RUNDC3B: variants seen among roughly 807,000 people sequenced by gnomAD.
RUNDC3B encodes the protein RUN domain-containing protein 3B.
A neutral mutation model predicts 58.4 loss-of-function variants in RUNDC3B; 33 were observed. That is an observed-to-expected ratio of 0.56 (90% CI 0.43 to 0.75). The LOEUF is 0.75. RUNDC3B is among the 30% of genes least tolerant of loss of function. The pLI is 0.00. For synonymous variants in RUNDC3B, 193 were observed against 195.2 expected, an observed-to-expected ratio of 0.99 and a Z score of 0.10; for missense variants, 501 against 535.7, an observed-to-expected ratio of 0.94 and a Z score of 0.64.
At chr7:87,673,830 T>C (rs2130538851) in intron 2 of RUNDC3B, among the ~76,000 whole-genome samples, 1 of 152,364 alleles carries the variant, frequency 6.6e-6, no homozygotes, top group Non-Finnish European at 1.5e-5. Context: ...CTTTCTCATG[T>C]GTGGGCTGAT....
Position 87,628,809 on chromosome 7 carries a change from G to T in RUNDC3B, c.-15G>T. 4.9e-6 allele frequency: 6 copies of T among 1,232,668 alleles called. No individual in the cohort carries two copies. The highest frequency in any genetic ancestry group is 6.2e-6 in the Non-Finnish European group (6 of 973,942). The allele number at this position is 1,232,668 out of a possible 1,614,324, so 76.4% of individuals were successfully genotyped here. A position where few individuals can be genotyped will look rare whatever the true frequency, so the allele number is the denominator to read the frequency against. On this transcript the variant is annotated 5_prime_UTR_variant, in exon 1 of 11. Coordinates refer to ENST00000394654, the MANE Select transcript of RUNDC3B (RefSeq NM_001134405.2). ...GGGTGGCACGAGACAAAAGGGGCACGGGGGTAAGCCCGCCATGGCCTCCCG... is the reference window on the plus strand; with the variant it reads ...GGGTGGCACGAGACAAAAGGGGCACTGGGGTAAGCCCGCCATGGCCTCCCG...
intron 1 of RUNDC3B, among the ~76,000 whole-genome samples, chr7:87,631,892 T>C (rs1202932703): frequency 6.6e-6 from 1 of 152,210 alleles, no homozygotes; most frequent in Non-Finnish European, 1.5e-5. Flanking sequence ...TAACCTTCAA[T>C]TATAGGCTTA....
intron 8 of RUNDC3B, among the ~76,000 whole-genome samples, chr7:87,789,578 G>C (rs1835413945): frequency 6.6e-6 from 1 of 152,008 alleles, no homozygotes; most frequent in Admixed American, 6.6e-5. Context: ...CATTTTGGCA[G>C]GTAATAATTC....
chr7:87,730,739 C>A (rs1831528167), intron 4 of RUNDC3B, among the ~76,000 whole-genome samples: 1 of 151,880 alleles, frequency 6.6e-6, no homozygotes, highest in Non-Finnish European at 1.5e-5. Flanking sequence ...AGGCAGTAGC[C>A]ACCTTAAGCC....
chr7:87,732,720 C>T (rs1371608954), intron 4 of RUNDC3B, among the ~76,000 whole-genome samples: 4 of 151,920 alleles, frequency 2.6e-5, no homozygotes, highest in Non-Finnish European at 4.4e-5. Flanking sequence ...TTAGTGAGGG[C>T]GGGGGTAGGT....
intron 4 of RUNDC3B, among the ~76,000 whole-genome samples, chr7:87,712,419 C>T (rs992456718): frequency 1.3e-5 from 2 of 151,940 alleles, no homozygotes; most frequent in Non-Finnish European, 2.9e-5. Flanking sequence ...GTATCAGAAT[C>T]GAGTAGCTCA....
intron 1 of RUNDC3B, among the ~76,000 whole-genome samples, chr7:87,646,657 C>T (rs1301216009): frequency 6.6e-6 from 1 of 151,948 alleles, no homozygotes; most frequent in Non-Finnish European, 1.5e-5. Flanking sequence ...AGATTGTGTG[C>T]TTTTTATTTA....
chr7:87,708,727 G>A (rs2130733504), intron 3 of RUNDC3B, among the ~76,000 whole-genome samples: 1 of 152,074 alleles, frequency 6.6e-6, no homozygotes, highest in East Asian at 1.9e-4. Flanking sequence ...ACATAATTAG[G>A]CTGGTCAGTT....
intron 1 of RUNDC3B, among the ~76,000 whole-genome samples, chr7:87,648,012 G>A (rs995968911): frequency 1.3e-5 from 2 of 151,726 alleles, no homozygotes; most frequent in African/African-American, 2.4e-5. Context: ...GTGAAACCCC[G>A]CCTCTACTAA....
intron 2 of RUNDC3B, among the ~76,000 whole-genome samples, chr7:87,661,421 A>G (rs1585031586): frequency 6.7e-6 from 1 of 149,674 alleles, no homozygotes; most frequent in Non-Finnish European, 1.5e-5. Context: ...CACCTTCACT[A>G]CCCTCCCCAG....
chr7:87,789,572 T>A (rs74994966), intron 8 of RUNDC3B, among the ~76,000 whole-genome samples: 4,223 of 152,252 alleles, frequency 0.028, 181 homozygotes, highest in African/African-American at 0.095. Flanking sequence ...TGTATACATT[T>A]TGGCAGGTAA....
At chr7:87,810,700 A>AAT (rs1836668712) in intron 9 of RUNDC3B, among the ~76,000 whole-genome samples, 1 of 152,142 alleles carries the variant, frequency 6.6e-6, no homozygotes. Context: ...CTGTTTATAA[A>AAT]ATATAATTTC....
chr7:87,764,129 T>G (rs1833845259), intron 6 of RUNDC3B, among the ~76,000 whole-genome samples: 2 of 151,874 alleles, frequency 1.3e-5, no homozygotes, highest in African/African-American at 4.8e-5. Flanking sequence ...ACATTTAATT[T>G]AAGCAACATT....
At chr7:87,796,768 A>T (rs1303531837) in intron 8 of RUNDC3B, among the ~76,000 whole-genome samples, 1 of 152,214 alleles carries the variant, frequency 6.6e-6, no homozygotes, top group Non-Finnish European at 1.5e-5. Context: ...GAAGACATTC[A>T]TTACTACTAG....
intron 1 of RUNDC3B, among the ~76,000 whole-genome samples, chr7:87,634,137 G>A (rs1295258120): frequency 1.3e-5 from 2 of 152,140 alleles, no homozygotes; most frequent in African/African-American, 4.8e-5. Context: ...AGCCTTGCTA[G>A]AGTGAGAACT....
At chr7:87,767,555 T>C (rs1353336440) in intron 6 of RUNDC3B, among the ~76,000 whole-genome samples, 1 of 152,146 alleles carries the variant, frequency 6.6e-6, no homozygotes, top group Admixed American at 6.6e-5. Flanking sequence ...AGGCTGAGAG[T>C]GTGTAGGTCC....
At chr7:87,703,725 A>G (rs1036712305) in intron 3 of RUNDC3B, among the ~76,000 whole-genome samples, 2 of 151,832 alleles carry the variant, frequency 1.3e-5, no homozygotes, top group African/African-American at 4.8e-5. Context: ...ACATATTAAC[A>G]GATGTCTTTT....
At chr7:87,740,958 A>G (rs1267824572) in intron 5 of RUNDC3B, among the ~76,000 whole-genome samples, 1 of 152,086 alleles carries the variant, frequency 6.6e-6, no homozygotes, top group Non-Finnish European at 1.5e-5. Context: ...TAATCCCAAC[A>G]CTTTAGGAGG....
At chr7:87,693,761 G>C (rs1316339088) in intron 2 of RUNDC3B, 1 of 653,758 alleles carries the variant, frequency 1.5e-6, no homozygotes, top group Non-Finnish European at 2.6e-6. Context: ...TCTTAACAGA[G>C]TTCATTTATT....
Sources: allele counts gnomAD v4.1 joint callset (sites outside exome capture counted in the v4.1 genomes callset), GRCh38; gene constraint gnomAD v4.1.1; transcripts MANE v1.5; gene names NCBI Gene and HGNC (gene_info 2026-07-23, HGNC 2026-07-21).